Variants in CCSER1 observed in about 807,000 individuals in gnomAD.
CCSER1 encodes the protein serine-rich coiled-coil domain-containing protein 1.
In CCSER1, 41 loss-of-function variants were observed where a neutral mutation model predicts 82.0. The observed-to-expected ratio is 0.50, with a 90% confidence interval of 0.39 to 0.65. CCSER1 has a LOEUF of 0.65. Ranked by LOEUF, CCSER1 falls within the 30% of genes least tolerant of loss-of-function variation. The pLI, the probability that CCSER1 is intolerant of heterozygous loss-of-function variation, is 0.00. For missense variants in CCSER1, 1,119 were observed against 1,064.2 expected (o/e 1.05, Z -0.72); for synonymous variants, 414 against 383.9 (o/e 1.08, Z -0.92).
At chr4:91,169,441 C>A (rs375358582) in intron 10 of CCSER1, among the ~76,000 whole-genome samples, 1 of 151,946 alleles carries the variant, frequency 6.6e-6, no homozygotes, top group Non-Finnish European at 1.5e-5. Context: ...GCCACCGTGG[C>A]GAAGCCCATT....
chr4:90,617,609 C>G (rs571876021), intron 5 of CCSER1, among the ~76,000 whole-genome samples: 2 of 152,244 alleles, frequency 1.3e-5, no homozygotes, highest in Admixed American at 1.3e-4. Flanking sequence ...TCAACAGAAA[C>G]CTAAAACATT....
chr4:91,523,265 A>G (rs1760591044), intron 10 of CCSER1, among the ~76,000 whole-genome samples: 1 of 152,162 alleles, frequency 6.6e-6, no homozygotes, highest in Non-Finnish European at 1.5e-5. Flanking sequence ...GTGCTGCTGT[A>G]TTTGGTTTGC....
At chr4:90,294,808 G>A (rs116046375) in intron 1 of CCSER1, among the ~76,000 whole-genome samples, 4,760 of 151,916 alleles carry the variant, frequency 0.031, 195 homozygotes, top group African/African-American at 0.095. Flanking sequence ...CCCTCTTTAA[G>A]GGTAATCACT....
chr4:90,194,159 T>C (rs1736167941), intron 1 of CCSER1, among the ~76,000 whole-genome samples: 1 of 152,090 alleles, frequency 6.6e-6, no homozygotes, highest in Admixed American at 6.6e-5. Flanking sequence ...GGTTATAGTT[T>C]GGCACAAATA....
chr4:90,491,871 T>G (rs1768083770), intron 5 of CCSER1, among the ~76,000 whole-genome samples: 1 of 152,180 alleles, frequency 6.6e-6, no homozygotes, highest in Admixed American at 6.6e-5. Context: ...TGAAGCCCAC[T>G]TGATAATGGT....
intron 5 of CCSER1, among the ~76,000 whole-genome samples, chr4:90,538,582 T>C (rs116624269): frequency 0.013 from 2,039 of 152,246 alleles, 49 homozygotes; most frequent in African/African-American, 0.047. Flanking sequence ...AAACTTTAGA[T>C]TGAGTGCACA....
chr4:90,920,391 C>A (rs1033453289), intron 8 of CCSER1, among the ~76,000 whole-genome samples: 38 of 151,780 alleles, frequency 2.5e-4, no homozygotes, highest in African/African-American at 8.9e-4. Flanking sequence ...CTTGAGTTAC[C>A]ACTCTAATCT....
At chr4:90,234,562 C>G (rs527961370) in intron 1 of CCSER1, among the ~76,000 whole-genome samples, 1 of 152,210 alleles carries the variant, frequency 6.6e-6, no homozygotes, top group African/African-American at 2.4e-5. Context: ...TCCATTGATA[C>G]ATTCTGTGAG....
intron 4 of CCSER1, among the ~76,000 whole-genome samples, chr4:90,441,166 C>A (rs996669149): frequency 1.3e-5 from 2 of 152,042 alleles, no homozygotes; most frequent in African/African-American, 2.4e-5. Flanking sequence ...TTTCTTTTGG[C>A]GGCTTCCTCA....
intron 10 of CCSER1, among the ~76,000 whole-genome samples, chr4:91,171,275 AT>A (rs1447980083): frequency 2.0e-5 from 3 of 152,200 alleles, no homozygotes; most frequent in Non-Finnish European, 4.4e-5. Context: ...CTATAAAATT[AT>A]GCCTAGAAAT....
intron 1 of CCSER1, among the ~76,000 whole-genome samples, chr4:90,148,574 A>G (rs1012380046): frequency 2.6e-5 from 4 of 152,178 alleles, no homozygotes; most frequent in African/African-American, 9.7e-5. Context: ...GAGAGATAGG[A>G]ATTTACCTAC....
intron 9 of CCSER1, among the ~76,000 whole-genome samples, chr4:91,057,592 C>G (rs1424963441): frequency 6.6e-6 from 1 of 152,106 alleles, no homozygotes; most frequent in Non-Finnish European, 1.5e-5. Flanking sequence ...AAAAGCTCCT[C>G]TTTGCTCAAG....
chr4:90,799,346 G>T (rs1756473419), intron 7 of CCSER1, among the ~76,000 whole-genome samples: 1 of 152,182 alleles, frequency 6.6e-6, no homozygotes, highest in African/African-American at 2.4e-5. Context: ...GTTGGCGGAG[G>T]GTGGGGGACA....
chr4:90,593,539 T>A (rs1782960260), intron 5 of CCSER1, among the ~76,000 whole-genome samples: 1 of 152,094 alleles, frequency 6.6e-6, no homozygotes, highest in Admixed American at 6.6e-5. Context: ...GAAGAGGATA[T>A]TTCCTGTCAT....
intron 5 of CCSER1, among the ~76,000 whole-genome samples, chr4:90,489,983 C>T (rs374891452): frequency 1.3e-5 from 2 of 152,224 alleles, no homozygotes; most frequent in Non-Finnish European, 2.9e-5. Flanking sequence ...AATAAACATA[C>T]GTGTGCATGT....
chr4:91,146,721 T>C (rs1205374360), intron 10 of CCSER1, among the ~76,000 whole-genome samples: 1 of 152,134 alleles, frequency 6.6e-6, no homozygotes, highest in Non-Finnish European at 1.5e-5. Context: ...CAAGGCTCTG[T>C]ATGGGTTTTT....
At chr4:90,531,832 T>C (rs773023171) in intron 5 of CCSER1, among the ~76,000 whole-genome samples, 1 of 152,164 alleles carries the variant, frequency 6.6e-6, no homozygotes, top group Non-Finnish European at 1.5e-5. Flanking sequence ...AGTTTTCTTA[T>C]TAAATTTTGC....
At chr4:91,471,530 C>T (rs188743055) in intron 10 of CCSER1, among the ~76,000 whole-genome samples, 5 of 152,154 alleles carry the variant, frequency 3.3e-5, no homozygotes, top group African/African-American at 7.2e-5. Flanking sequence ...AAAGCCGTGA[C>T]GACGCACTCC....
chr4:91,009,558 GT>G (rs547594378), intron 9 of CCSER1, among the ~76,000 whole-genome samples: 2 of 151,992 alleles, frequency 1.3e-5, no homozygotes, highest in Non-Finnish European at 2.9e-5. Context: ...TTTCTGGTTG[GT>G]TTGTTGCTCT....
Sources: allele counts gnomAD v4.1 joint callset (sites outside exome capture counted in the v4.1 genomes callset), GRCh38; gene constraint gnomAD v4.1.1; transcripts MANE v1.5; gene names NCBI Gene and HGNC (gene_info 2026-07-23, HGNC 2026-07-21).